MYBPC1: variants seen among roughly 807,000 people sequenced by gnomAD.
MYBPC1 encodes the protein myosin binding protein C1.
Under a neutral mutation model 147.1 loss-of-function variants are expected in MYBPC1, and 52 were observed. The ratio of observed to expected loss-of-function variants is 0.35; its 90% CI spans 0.28 to 0.45. The LOEUF (loss-of-function observed/expected upper bound fraction) is 0.45, where lower values mean the gene tolerates loss of function less well. Ranked by LOEUF, MYBPC1 falls within the 20% of genes least tolerant of loss-of-function variation. The pLI is 1.00. For synonymous variants in MYBPC1, 477 were observed against 475.9 expected (o/e 1.00, Z -0.03); for missense variants, 1,228 against 1,440.3 (o/e 0.85, Z 2.39).
chr12:101,678,249 C>T lies in MYBPC1; in HGVS notation c.3246+11C>T, dbSNP rs1157006302. ...AGAGGAAATCCTAAGGTACCATGTT[C>T]TTCTATCACATCAGTTAAAGTCCCT... On this transcript the variant is annotated intron_variant, in intron 28 of 31. Transcript: ENST00000361466. 6.2e-7 allele frequency: 1 copy of T among 1,613,796 alleles called. No individual in the cohort carries two copies. Among genetic ancestry groups the T allele is most frequent in the Non-Finnish European group, 8.5e-7 (1 of 1,179,718 alleles).
intron 15 of MYBPC1, 69 bp from the exon 16 acceptor site, chr12:101,651,162 T>A: frequency 6.4e-7 from 1 of 1,556,960 alleles, no homozygotes; most frequent in Non-Finnish European, 8.9e-7. Flanking sequence ...TATACCATTG[T>A]GAAATGCCAC....
intron 25 of MYBPC1, among the ~76,000 whole-genome samples, chr12:101,674,843 C>G (rs1899522170): frequency 9.8e-6 from 1 of 101,888 alleles, no homozygotes; most frequent in Non-Finnish European, 1.7e-5. Context: ...GCCTGGGTGA[C>G]AGACCATGAC....
chr12:101,681,590 A>ATATATG (rs1950993199), intron 29 of MYBPC1, among the ~76,000 whole-genome samples: 1 of 23,068 alleles, frequency 4.3e-5, no homozygotes, highest in Non-Finnish European at 6.8e-5. Flanking sequence ...ATATATATAT[A>ATATATG]TATTTTTTTT....
At chr12:101,612,012 C>T (rs908135860) in intron 1 of MYBPC1, among the ~76,000 whole-genome samples, 14 of 149,622 alleles carry the variant, frequency 9.4e-5, no homozygotes, top group African/African-American at 3.2e-4. Flanking sequence ...AGGAGGTGGA[C>T]GTTGCAGTGA....
At chr12:101,631,886 G>A (rs1006623537) in intron 7 of MYBPC1, 135 bp from the exon 8 acceptor site, 21 of 1,290,480 alleles carry the variant, frequency 1.6e-5, no homozygotes, top group Non-Finnish European at 2.4e-5. Flanking sequence ...GTGTCCGGGG[G>A]CTACAGGACA....
rs80327692 is a variant in MYBPC1 at position 101,683,528 on chromosome 12, T to G, written c.3493-854T>G. Among the ~76,000 whole-genome samples the G allele has an allele frequency of 3.6e-3, 549 of 152,330 alleles. 6 individuals carry two copies. Among genetic ancestry groups the G allele is most frequent in the African/African-American group, 0.012 (511 of 41,590 alleles). Reference sequence around the variant, plus strand: ...TGTAACCCATCTATCTGTTGAAGATTTTGGACATTTTCATGGGGACTCAAA... The same window carrying G: ...TGTAACCCATCTATCTGTTGAAGATGTTGGACATTTTCATGGGGACTCAAA... On this transcript the variant is annotated intron_variant, in intron 30 of 31. Coordinates refer to ENST00000361466, the MANE Select transcript of MYBPC1 (RefSeq NM_002465.4).
chr12:101,678,058 C>A (rs1900393435), intron 27 of MYBPC1, 44 bp from the exon 28 acceptor site: 1 of 1,592,220 alleles, frequency 6.3e-7, no homozygotes, highest in Non-Finnish European at 8.6e-7. Flanking sequence ...TATTCTCAGG[C>A]CAATTTACAT....
chr12:101,607,926 A>T (rs1322923925), intron 1 of MYBPC1, among the ~76,000 whole-genome samples: 1 of 152,042 alleles, frequency 6.6e-6, no homozygotes, highest in Non-Finnish European at 1.5e-5. Flanking sequence ...ATAGAAATGG[A>T]CTCCATTGGA....
At chr12:101,619,078 G>C (rs1398636558) in intron 3 of MYBPC1, among the ~76,000 whole-genome samples, 2 of 152,060 alleles carry the variant, frequency 1.3e-5, no homozygotes, top group African/African-American at 4.8e-5. Flanking sequence ...TATGCAAAAA[G>C]TAGACACAAT....
Position 101,648,061 on chromosome 12 carries a change from G to T in MYBPC1, c.1107G>T (p.Val369=). Residue 369 remains valine (V), a synonymous_variant, in exon 14 of 32, where the codon GTG becomes GTT. Transcript: ENST00000361466. ...GTATACTAGAGCCTCCAATTATGGT[G>T]ACCAAACAGCTGGAAGATACAACTG... ...ELFVREPPIM[V]TKQLEDTTAY... 1 of 1,612,072 alleles carries T rather than the reference G, an allele frequency of 6.2e-7. No homozygotes were observed. The highest frequency in any genetic ancestry group is 1.1e-5 in the South Asian group (1 of 90,994).
intron 13 of MYBPC1, 27 bp downstream of exon 13, chr12:101,646,914 C>G (rs1239013672): frequency 6.2e-7 from 1 of 1,613,490 alleles, no homozygotes; most frequent in Non-Finnish European, 8.5e-7. Flanking sequence ...TTATTGTGGT[C>G]ACCAGGAGCT....
intron 15 of MYBPC1, among the ~76,000 whole-genome samples, chr12:101,649,776 A>G (rs1308472466): frequency 6.6e-6 from 1 of 152,230 alleles, no homozygotes; most frequent in Non-Finnish European, 1.5e-5. Context: ...ACACTCTGCA[A>G]TTACATTTGG....
Position 101,662,495 on chromosome 12 carries a change from G to A in MYBPC1, c.2170G>A (p.Ala724Thr), listed in dbSNP as rs1157756527. ...TGAGGTCCGCATCTTTGCAGTCAATGCCATTGGCATCTCCAAGCCCAGTAT... is the reference window on the plus strand; with the variant it reads ...TGAGGTCCGCATCTTTGCAGTCAATACCATTGGCATCTCCAAGCCCAGTAT... ...AYEVRIFAVN[A>T]IGISKPSMPS... Residue 724 changes from alanine (A) to threonine (T), a missense_variant, in exon 21 of 32, where the codon GCC (alanine) becomes ACC (threonine). Ala to Thr is a moderately conservative substitution (Grantham distance 58, BLOSUM62 0). Around this residue, in one of 2 missense-constraint regions of MYBPC1, gnomAD observed 1,077 missense variants for 1,314.2 expected, o/e 0.82. Transcript: ENST00000361466. The A allele has an allele frequency of 1.9e-6, 3 of 1,614,100 alleles. No individual in the cohort carries two copies. Among genetic ancestry groups the A allele is most frequent in the East Asian group, 2.2e-5 (1 of 44,898 alleles).
chr12:101,648,068 C>G lies in MYBPC1; in HGVS notation c.1114C>G (p.Gln372Glu), dbSNP rs755330546. 11 of 1,612,598 alleles carry G rather than the reference C, an allele frequency of 6.8e-6. No homozygotes were observed. Among genetic ancestry groups the G allele is most frequent in the Admixed American group, 1.7e-5 (1 of 60,006 alleles). The change falls in exon 14 of 32, where the codon CAG (glutamine) becomes GAG (glutamate). Residue 372 changes from glutamine (Q) to glutamate (E), a missense_variant. This residue lies in a region of MYBPC1 where 1,077 missense variants were observed against 1,314.2 expected (regional missense o/e 0.82). Coordinates refer to ENST00000361466, the MANE Select transcript of MYBPC1 (RefSeq NM_002465.4). ...VREPPIMVTK[Q>E]LEDTTAYCGE... ...AGAGCCTCCAATTATGGTGACCAAA[C>G]AGCTGGAAGATACAACTGCTTATTG...
At chr12:101,642,130 T>A (rs537669879) in intron 10 of MYBPC1, among the ~76,000 whole-genome samples, 12 of 152,276 alleles carry the variant, frequency 7.9e-5, no homozygotes, top group African/African-American at 2.4e-4. Context: ...ATAAGTAAAA[T>A]ATATTTTTAG....
Position 101,632,109 on chromosome 12 carries a change from A to T in MYBPC1, c.527A>T (p.Asp176Val). The T allele has an allele frequency of 6.2e-7, 1 of 1,613,344 alleles. No homozygotes were observed. The highest frequency in any genetic ancestry group is 8.5e-7 in the Non-Finnish European group (1 of 1,179,254). Reference sequence around the variant, plus strand: ...GAGGTCACCTATAAGGATAAGTTTGACAGCTGTTCATTTGATCTTGAAGTG... The same window carrying T: ...GAGGTCACCTATAAGGATAAGTTTGTCAGCTGTTCATTTGATCTTGAAGTG... Reference protein sequence around the residue: ...RCEVTYKDKFDSCSFDLEVHE... With the variant: ...RCEVTYKDKFVSCSFDLEVHE... Residue 176 changes from aspartate to valine, a missense_variant, in exon 8 of 32, where the codon GAC becomes GTC. Transcript: ENST00000361466.
intron 28 of MYBPC1, among the ~76,000 whole-genome samples, chr12:101,679,591 C>G (rs982357207): frequency 1.3e-5 from 2 of 152,096 alleles, no homozygotes; most frequent in African/African-American, 4.8e-5. Context: ...GTTCAGAAGT[C>G]AAGGAGAATG....
intron 3 of MYBPC1, among the ~76,000 whole-genome samples, chr12:101,626,182 C>A (rs778500242): frequency 9.3e-5 from 14 of 150,272 alleles, no homozygotes; most frequent in Admixed American, 4.0e-4. Flanking sequence ...ACTTGTTTAT[C>A]CAAAACAAAT....
chr12:101,667,033 T>C (rs1165511126), intron 22 of MYBPC1, among the ~76,000 whole-genome samples: 1 of 152,104 alleles, frequency 6.6e-6, no homozygotes, highest in African/African-American at 2.4e-5. Flanking sequence ...TACTAACTTT[T>C]AGATGCTGAA....
Sources: gnomAD v4.1 joint callset for allele counts (sites outside exome capture counted in the v4.1 genomes callset) on GRCh38, gnomAD v4.1.1 for gene constraint, gnomAD v4.1.1 regional missense constraint, MANE v1.5 for transcripts, NCBI Gene and HGNC (gene_info 2026-07-23, HGNC 2026-07-21) for gene names.